Variants in LNX1 observed in about 807,000 individuals in gnomAD.
LNX1 encodes E3 ubiquitin-protein ligase LNX.
A neutral mutation model predicts 68.4 loss-of-function variants in LNX1; 54 were observed. The observed-to-expected ratio is 0.79, with a 90% CI of 0.63 to 0.99. LNX1 has a LOEUF of 0.99. Among genes scored for constraint, LNX1 ranks in the 50% least tolerant of loss-of-function variants. The pLI, the probability that LNX1 is intolerant of heterozygous loss-of-function variation, is 0.00. For missense variants in LNX1, 906 were observed against 926.4 expected (o/e 0.98, Z 0.29); for synonymous variants, 336 against 350.0 (o/e 0.96, Z 0.45).
At chr4:53,522,191 C>T (rs2109579718) in intron 2 of LNX1, among the ~76,000 whole-genome samples, 1 of 152,288 alleles carries the variant, frequency 6.6e-6, no homozygotes, top group South Asian at 2.1e-4. Flanking sequence ...TCACATCAAA[C>T]CCATCTCTAC....
intron 2 of LNX1, among the ~76,000 whole-genome samples, chr4:53,546,833 G>C (rs965823421): frequency 6.6e-6 from 1 of 152,152 alleles, no homozygotes; most frequent in African/African-American, 2.4e-5. Flanking sequence ...GGGAGTCGGG[G>C]GCAGAGTCAA....
intron 2 of LNX1, among the ~76,000 whole-genome samples, chr4:53,550,928 C>T (rs1011318628): frequency 1.3e-5 from 2 of 152,186 alleles, no homozygotes; most frequent in African/African-American, 4.8e-5. Context: ...GCAACCTCCC[C>T]ACTTGAAAGC....
At chr4:53,491,273 G>GAAAAAA (rs11305648) in intron 6 of LNX1, among the ~76,000 whole-genome samples, 9 of 144,844 alleles carry the variant, frequency 6.2e-5, no homozygotes, top group Middle Eastern at 7.2e-3. Context: ...TTCAAAGTGA[G>GAAAAAA]AAAAAAAAAA....
In LNX1 at chr4:53,459,685, G is replaced by T; in HGVS notation, c.*1222C>A. On this transcript the variant is annotated 3_prime_UTR_variant, in exon 11 of 11. Transcript: ENST00000263925. ...ATGACTTTATATCCAAGAAAGGAATGTGAATGAGTCACTTAACAGGGAATC... is the reference window on the plus strand; with the variant it reads ...ATGACTTTATATCCAAGAAAGGAATTTGAATGAGTCACTTAACAGGGAATC... 1.9e-6 allele frequency: 1 copy of T among 538,712 alleles called. No individual in the cohort carries two copies. The highest frequency in any genetic ancestry group is 3.3e-6 in the Non-Finnish European group (1 of 303,558). 33.4% of individuals were successfully genotyped at this position (538,712 alleles called of 1,614,324 possible).
In LNX1 at chr4:53,478,737, G is replaced by C. The variant is rs1723730382; in HGVS notation, c.1491C>G (p.Leu497=). ...PGERSNTPKP[L]HPTITCHEKV... is the part of the protein sequence containing the mutation. Reference sequence around the variant, plus strand: ...TCTCATGACAAGTAATTGTAGGATGGAGGGGCTGAAGGCACAGATGGAAAA... The same window carrying C: ...TCTCATGACAAGTAATTGTAGGATGCAGGGGCTGAAGGCACAGATGGAAAA... The change falls in exon 8 of 11, where the codon CTC becomes CTG. Residue 497 remains leucine, a synonymous_variant. Coordinates refer to ENST00000263925, the MANE Select transcript of LNX1 (RefSeq NM_001126328.3). The C allele has an allele frequency of 6.2e-7, 1 of 1,613,342 alleles. No homozygotes were observed.
chr4:53,587,114 G>A (rs867479545), intron 1 of LNX1, among the ~76,000 whole-genome samples: 8 of 152,072 alleles, frequency 5.3e-5, no homozygotes, highest in African/African-American at 1.4e-4. Context: ...CTACATTTTC[G>A]GACAACTCTA....
At chr4:53,468,029 C>T (rs1722834138) in intron 9 of LNX1, among the ~76,000 whole-genome samples, 1 of 152,142 alleles carries the variant, frequency 6.6e-6, no homozygotes, top group Non-Finnish European at 1.5e-5. Flanking sequence ...AACTCCAAGA[C>T]ACATAATTGT....
intron 7 of LNX1, among the ~76,000 whole-genome samples, chr4:53,480,228 T>G (rs1723823783): frequency 6.6e-6 from 1 of 152,218 alleles, no homozygotes; most frequent in Non-Finnish European, 1.5e-5. Flanking sequence ...AGAAGTCAGA[T>G]AGAATATAAG....
Position 53,609,564 on chromosome 4 carries a change from A to C in LNX1, c.-215+6953T>G, listed in dbSNP as rs1009206183. Reference sequence around the variant, plus strand: ...AATTTATAATTTATGTATAAATAATATATAAAATAATATATAGTATATATA... The same window carrying C: ...AATTTATAATTTATGTATAAATAATCTATAAAATAATATATAGTATATATA... On this transcript the variant is annotated intron_variant, in intron 2 of 3. Transcript: ENST00000504299. Among the ~76,000 whole-genome samples the C allele has an allele frequency of 1.4e-4, 20 of 146,666 alleles. 1 individual carries two copies. Among genetic ancestry groups the C allele is most frequent in the Admixed American group, 6.2e-4 (9 of 14,532 alleles).
At chr4:53,595,925 T>C (rs145332459), upstream of LNX1, among the ~76,000 whole-genome samples, 986 of 152,018 alleles carry the variant, frequency 6.5e-3, 12 homozygotes, top group African/African-American at 0.022. Flanking sequence ...AATGCCACAA[T>C]TAAAATGGAC....
chr4:53,548,795 C>T (rs933535088), intron 2 of LNX1, among the ~76,000 whole-genome samples: 1 of 152,156 alleles, frequency 6.6e-6, no homozygotes, highest in African/African-American at 2.4e-5. Context: ...CAATGACAGT[C>T]TGGGTAATGA....
chr4:53,550,075 GA>G lies in LNX1; in HGVS notation c.380+23547del, dbSNP rs568393001. 8.0e-4 allele frequency among the ~76,000 whole-genome samples: 122 copies of G among 152,080 alleles called. 1 individual carries two copies. The highest frequency in any genetic ancestry group is 1.9e-3 in the Admixed American group (29 of 15,286). On this transcript the variant is annotated intron_variant, in intron 2 of 10. Coordinates refer to ENST00000263925, the MANE Select transcript of LNX1 (RefSeq NM_001126328.3). ...AGAATTTGCTAATTCTCAAAGGGGG[GA>G]AAAAATAAAATCATGAAACAGGATC...
At chr4:53,503,688 AC>A (rs1725659443) in intron 4 of LNX1, among the ~76,000 whole-genome samples, 1 of 152,226 alleles carries the variant, frequency 6.6e-6, no homozygotes, top group Admixed American at 6.5e-5. Context: ...ATAAATGAGC[AC>A]TGGACCCCAC....
chr4:53,620,976 G>A (rs1733849023), upstream of LNX1, among the ~76,000 whole-genome samples: 2 of 152,184 alleles, frequency 1.3e-5, no homozygotes, highest in Admixed American at 1.3e-4. Context: ...ACTCCTGTTA[G>A]TTTCAAAGAG....
chr4:53,470,290 A>AC (rs1246119481), intron 9 of LNX1, among the ~76,000 whole-genome samples: 2 of 152,132 alleles, frequency 1.3e-5, no homozygotes, highest in Non-Finnish European at 2.9e-5. Context: ...AAATTCAACA[A>AC]CCTTCATGCT....
At chr4:53,506,786 G>A (rs1725904154) in intron 4 of LNX1, among the ~76,000 whole-genome samples, 1 of 147,328 alleles carries the variant, frequency 6.8e-6, no homozygotes, top group Admixed American at 7.0e-5. Context: ...AACCCAGGAG[G>A]CAGAGGTTGC....
intron 2 of LNX1, among the ~76,000 whole-genome samples, chr4:53,527,236 T>C (rs956986740): frequency 6.6e-6 from 1 of 152,212 alleles, no homozygotes; most frequent in Non-Finnish European, 1.5e-5. Context: ...GATATTGTTT[T>C]ATTTCTACAT....
intron 2 of LNX1, among the ~76,000 whole-genome samples, chr4:53,530,013 T>C (rs983541156): frequency 2.6e-5 from 4 of 152,220 alleles, no homozygotes; most frequent in Non-Finnish European, 4.4e-5. Flanking sequence ...TCACACTTTC[T>C]ACCATTTAAA....
chr4:53,526,135 AC>A (rs1727594910), intron 2 of LNX1, among the ~76,000 whole-genome samples: 1 of 152,158 alleles, frequency 6.6e-6, no homozygotes, highest in African/African-American at 2.4e-5. Flanking sequence ...AAGATAACAT[AC>A]GCCACGTTCA....
Sources: gnomAD v4.1 joint callset for allele counts (sites outside exome capture counted in the v4.1 genomes callset) on GRCh38, gnomAD v4.1.1 for gene constraint, MANE v1.5 for transcripts, NCBI Gene and HGNC (gene_info 2026-07-23, HGNC 2026-07-21) for gene names.